The following RAPGEF4 variants were observed in gnomAD, a reference collection of about 807,000 sequenced individuals.
RAPGEF4 encodes RAP guanine-nucleotide-exchange factor (GEF) 4.
In RAPGEF4, 66 loss-of-function variants were observed where a neutral mutation model predicts 147.9. That is an observed-to-expected ratio of 0.45 (90% CI 0.37 to 0.55). RAPGEF4 has a LOEUF of 0.55. Ranked by LOEUF, RAPGEF4 falls within the 20% of genes least tolerant of loss-of-function variation. The pLI is 0.00. For synonymous variants in RAPGEF4, 419 were observed against 442.7 expected (o/e 0.95, Z 0.67); for missense variants, 1,071 against 1,257.3 (o/e 0.85, Z 2.24).
At chr2:172,779,413 A>C (rs1684476416) in intron 1 of RAPGEF4, among the ~76,000 whole-genome samples, 1 of 152,072 alleles carries the variant, frequency 6.6e-6, no homozygotes, top group South Asian at 2.1e-4. Flanking sequence ...ATATCTGGGG[A>C]AATAGTATCC....
intron 6 of RAPGEF4, among the ~76,000 whole-genome samples, chr2:172,943,356 C>T (rs1429288038): frequency 6.6e-6 from 1 of 152,088 alleles, no homozygotes; most frequent in Non-Finnish European, 1.5e-5. Context: ...AGGACTCTTT[C>T]CTCAGAGGGC....
intron 4 of RAPGEF4, among the ~76,000 whole-genome samples, chr2:172,897,801 T>C (rs1432403515): frequency 8.1e-6 from 1 of 123,692 alleles, no homozygotes; most frequent in Non-Finnish European, 1.8e-5. Flanking sequence ...AGAGAGTTCT[T>C]ATCTTTGGAA....
chr2:172,961,517 A>T (rs1355461822), intron 8 of RAPGEF4, among the ~76,000 whole-genome samples: 2 of 152,202 alleles, frequency 1.3e-5, no homozygotes, highest in Non-Finnish European at 2.9e-5. Flanking sequence ...TAGGAAGCCT[A>T]CTAGATTTAG....
chr2:172,942,571 A>T (rs1186853344), intron 6 of RAPGEF4, among the ~76,000 whole-genome samples: 67 of 133,592 alleles, frequency 5.0e-4, no homozygotes, highest in African/African-American at 1.3e-3. Flanking sequence ...AGTCTGGTAA[A>T]AAAAAAAAAA....
At chr2:172,786,818 G>T (rs1443410841) in intron 1 of RAPGEF4, among the ~76,000 whole-genome samples, 1 of 152,104 alleles carries the variant, frequency 6.6e-6, no homozygotes, top group Non-Finnish European at 1.5e-5. Context: ...TGAGGCTTTG[G>T]TTCACTATAA....
At chr2:172,983,232 T>A (rs947269699) in intron 10 of RAPGEF4, among the ~76,000 whole-genome samples, 4 of 152,212 alleles carry the variant, frequency 2.6e-5, no homozygotes, top group Non-Finnish European at 5.9e-5. Flanking sequence ...CCAACTACCA[T>A]GTGAGTGGAG....
chr2:172,737,728 ACAGATACTGAGCCTAGCAT>A (rs1424421173), intron 1 of RAPGEF4, among the ~76,000 whole-genome samples: 1 of 151,888 alleles, frequency 6.6e-6, no homozygotes, highest in African/African-American at 2.4e-5. Context: ...AAAACCCTTC[ACAGATACTGAGCCTAGCAT>A]CAGAAGAGTC....
intron 1 of RAPGEF4, among the ~76,000 whole-genome samples, chr2:172,779,692 A>G (rs1389440355): frequency 1.3e-5 from 2 of 152,154 alleles, no homozygotes; most frequent in East Asian, 3.9e-4. Flanking sequence ...ATCACTCTGG[A>G]TCCTCCAAGG....
At chr2:172,758,813 G>A (rs6713665) in intron 1 of RAPGEF4, among the ~76,000 whole-genome samples, 2,295 of 152,294 alleles carry the variant, frequency 0.015, 57 homozygotes, top group African/African-American at 0.049. Flanking sequence ...GATGTTAAGT[G>A]TGAAATTGGA....
intron 4 of RAPGEF4, among the ~76,000 whole-genome samples, chr2:172,841,500 A>G (rs1691593492): frequency 6.6e-6 from 1 of 152,148 alleles, no homozygotes; most frequent in Non-Finnish European, 1.5e-5. Context: ...CAATGCACAC[A>G]CACACTTACA....
Position 173,001,299 on chromosome 2 carries a change from G to C in RAPGEF4, c.1613G>C (p.Cys538Ser). ...TTAAATGACTTTATTATGATGCACT[G>C]TGTTTTTATGCCAAATACCCAGCTT... ...SVLNDFIMMHCVFMPNTQLCP... is the reference protein window; with the variant it reads ...SVLNDFIMMHSVFMPNTQLCP... The change falls in exon 17 of 31, where the codon TGT becomes TCT. Residue 538 changes from cysteine (C) to serine (S), a missense_variant. Coordinates refer to ENST00000397081, the MANE Select transcript of RAPGEF4 (RefSeq NM_007023.4). 1 of 1,613,854 alleles carries C rather than the reference G, an allele frequency of 6.2e-7. No homozygotes were observed.
intron 4 of RAPGEF4, among the ~76,000 whole-genome samples, chr2:172,874,898 T>TC (rs1695703187): frequency 6.6e-6 from 1 of 152,210 alleles, no homozygotes; most frequent in Admixed American, 6.5e-5. Flanking sequence ...CCACATCCTC[T>TC]CCAGCACCTG....
intron 1 of RAPGEF4, among the ~76,000 whole-genome samples, chr2:172,746,338 G>C (rs1694762920): frequency 6.6e-6 from 1 of 152,200 alleles, no homozygotes; most frequent in Non-Finnish European, 1.5e-5. Context: ...TTCTCTGTGA[G>C]GATGTGGGGG....
In RAPGEF4 at chr2:172,795,276, G is replaced by A; in HGVS notation, c.208+109G>A. On this transcript the variant is annotated intron_variant, in intron 2 of 30. Coordinates refer to ENST00000397081, the MANE Select transcript of RAPGEF4 (RefSeq NM_007023.4). ...GAGTATTTATGTGCTAAATATTTGA[G>A]CTTCAACCAAAAGTATTAAGGTGAC... 7 of 1,161,162 alleles carry A rather than the reference G, an allele frequency of 6.0e-6. No individual in the cohort carries two copies. The South Asian group carries it at 8.8e-5, about 15-fold the overall frequency. 71.9% of individuals were successfully genotyped at this position (1,161,162 alleles called of 1,614,324 possible). A position where few individuals can be genotyped will look rare whatever the true frequency, so the allele number is the denominator to read the frequency against.
intron 17 of RAPGEF4, among the ~76,000 whole-genome samples, chr2:173,005,520 G>GTTTTTTTTTTTTTTT (rs573596077): frequency 3.0e-4 from 26 of 86,716 alleles, no homozygotes; most frequent in Non-Finnish European, 3.4e-4. Context: ...GTTGTTTTGT[G>GTTTTTTTTTTTTTTT]TTTTTTTTTT....
intron 6 of RAPGEF4, among the ~76,000 whole-genome samples, chr2:172,959,073 A>C (rs1193986948): frequency 6.6e-6 from 1 of 152,244 alleles, no homozygotes; most frequent in African/African-American, 2.4e-5. Context: ...TTTTTAGTAC[A>C]AAGCGTAATA....
intron 4 of RAPGEF4, among the ~76,000 whole-genome samples, chr2:172,892,221 C>A (rs1256627385): frequency 2.0e-5 from 3 of 152,208 alleles, no homozygotes; most frequent in Non-Finnish European, 4.4e-5. Flanking sequence ...CCCTGAGGTC[C>A]AGCTAGGACA....
At position 172,941,941 on chromosome 2, in the gene RAPGEF4, A is replaced by G. The variant is rs1348875; in HGVS notation, c.538-18819A>G. Among the ~76,000 whole-genome samples, 1,349 of 152,170 alleles carry G rather than the reference A, an allele frequency of 8.9e-3. 16 individuals carry two copies. Among genetic ancestry groups the G allele is most frequent in the Middle Eastern group, 0.048 (14 of 294 alleles). On this transcript the variant is annotated intron_variant, in intron 6 of 30. Coordinates refer to ENST00000397081, the MANE Select transcript of RAPGEF4 (RefSeq NM_007023.4). ...TCTCAACAAGTATTTTTTTATTATA[A>G]ACAAGATAAAATTGATTCCCCTCAT...
intron 16 of RAPGEF4, 26 bp from the exon 17 acceptor site, chr2:173,001,240 C>G: frequency 6.2e-7 from 1 of 1,600,632 alleles, no homozygotes; most frequent in South Asian, 1.1e-5. Flanking sequence ...AACCTAATTT[C>G]CTTTTCTGTT....
Sources: allele counts gnomAD v4.1 joint callset (sites outside exome capture counted in the v4.1 genomes callset), GRCh38; gene constraint gnomAD v4.1.1; transcripts MANE v1.5; gene names NCBI Gene and HGNC (gene_info 2026-07-23, HGNC 2026-07-21).